The following PPHLN1 variants were observed in gnomAD, a reference collection of about 807,000 sequenced individuals.
The protein encoded by PPHLN1 is periphilin 1.
PPHLN1 carries 29 observed loss-of-function variants against 51.3 expected under a neutral mutation model. The observed-to-expected ratio is 0.57, with a 90% CI of 0.42 to 0.77. The LOEUF (loss-of-function observed/expected upper bound fraction) is 0.77, where lower values mean the gene tolerates loss of function less well. Ranked by LOEUF, PPHLN1 falls within the 30% of genes least tolerant of loss-of-function variation. PPHLN1 has a pLI of 0.00. For synonymous variants in PPHLN1, 147 were observed against 147.8 expected (o/e 0.99, Z 0.04); for missense variants, 436 against 438.4 (o/e 0.99, Z 0.05).
rs2073873005 is a variant in PPHLN1, at chr12:42,355,045, T to C, written c.238-116T>C. ...GATGACTTGCTGAATGTTTTTCCCT[T>C]TTTATGCCTTTGAAGTTTAGGGAAA... On this transcript the variant is annotated intron_variant, in intron 3 of 9. Transcript: ENST00000358314. 11 of 872,128 alleles carry C rather than the reference T, an allele frequency of 1.3e-5. No homozygotes were observed. In the Admixed American group the frequency reaches 1.8e-4, roughly 14 times the overall value. The allele number at this position is 872,128 out of a possible 1,614,324, so 54.0% of individuals were successfully genotyped here.
intron 9 of PPHLN1, among the ~76,000 whole-genome samples, chr12:42,411,124 C>T (rs898111968): frequency 1.3e-5 from 2 of 151,488 alleles, no homozygotes; most frequent in Non-Finnish European, 2.9e-5. Context: ...GAAATTAGGT[C>T]GATTTTTTTT....
At chr12:42,430,107 G>A (rs1215976537) in intron 9 of PPHLN1, among the ~76,000 whole-genome samples, 13 of 152,186 alleles carry the variant, frequency 8.5e-5, no homozygotes, top group Admixed American at 8.5e-4. Flanking sequence ...TGTGTTTAGA[G>A]AGTTGGAACT....
In PPHLN1 at chr12:42,423,281, A is replaced by AT. The variant is rs1370133523; in HGVS notation, c.910-18030dup. On this transcript the variant is annotated intron_variant, in intron 9 of 9. Transcript: ENST00000358314. ...CATTTATATATAATAGTATTTATGG[A>AT]TTTTCCCCACTGTACATAATGCCTT... is the stretch of plus-strand genomic sequence containing the variant. Among the ~76,000 whole-genome samples the AT allele has an allele frequency of 3.3e-5, 5 of 152,256 alleles. No homozygotes were observed. The East Asian group carries it at 9.6e-4, about 29-fold the overall frequency.
chr12:42,359,433 G>A (rs1000177171), intron 4 of PPHLN1: 4 of 152,116 alleles, frequency 2.6e-5, no homozygotes, highest in African/African-American at 9.7e-5. Context: ...TTTTTACAAA[G>A]AAAAAGCAGG....
chr12:42,342,041 A>G (rs1592229553), intron 2 of PPHLN1, among the ~76,000 whole-genome samples: 3 of 152,334 alleles, frequency 2.0e-5, no homozygotes, highest in South Asian at 4.1e-4. Flanking sequence ...GAAGTGCACT[A>G]CAGAGATTTT....
intron 9 of PPHLN1, among the ~76,000 whole-genome samples, chr12:42,424,590 A>G (rs890594283): frequency 5.3e-5 from 8 of 152,280 alleles, no homozygotes; most frequent in South Asian, 2.1e-4. Context: ...GGGCTGGCCT[A>G]TCTTAGGAGG....
chr12:42,372,042 C>T (rs2075850162), intron 4 of PPHLN1, among the ~76,000 whole-genome samples: 1 of 152,132 alleles, frequency 6.6e-6, no homozygotes, highest in South Asian at 2.1e-4. Flanking sequence ...TCTCACCCTA[C>T]TCCCCCTTCC....
intron 4 of PPHLN1, chr12:42,374,607 A>ATT (rs35683626): frequency 0.11 from 17,870 of 160,100 alleles, 1,232 homozygotes; most frequent in African/African-American, 0.17. Flanking sequence ...CGCCCAGCTA[A>ATT]TTTTTTTTTT....
At chr12:42,433,043 G>A in intron 9 of PPHLN1, 2 of 929,752 alleles carry the variant, frequency 2.2e-6, no homozygotes, top group South Asian at 2.6e-5. Context: ...AAAATCCACT[G>A]TGCATTTAAA....
At chr12:42,328,686 A>T (rs2069177037) in intron 1 of PPHLN1, among the ~76,000 whole-genome samples, 1 of 152,200 alleles carries the variant, frequency 6.6e-6, no homozygotes. Flanking sequence ...GTGACTTGTG[A>T]AACTAGTAGA....
chr12:42,401,706 AAG>A (rs925029120), intron 9 of PPHLN1, among the ~76,000 whole-genome samples: 2 of 152,164 alleles, frequency 1.3e-5, no homozygotes, highest in Admixed American at 6.6e-5. Flanking sequence ...TGTTGCCAAA[AAG>A]GTTGGTGTCT....
intron 4 of PPHLN1, among the ~76,000 whole-genome samples, chr12:42,369,570 TTTG>T (rs1353908677): frequency 2.6e-5 from 4 of 152,188 alleles, no homozygotes; most frequent in Admixed American, 2.0e-4. Context: ...CATATATTAT[TTTG>T]TTTATTCCTC....
chr12:42,418,828 TGAG>T (rs1460254067), intron 9 of PPHLN1, among the ~76,000 whole-genome samples: 1 of 152,220 alleles, frequency 6.6e-6, no homozygotes, highest in Non-Finnish European at 1.5e-5. Context: ...GAGAGTTTCC[TGAG>T]GATAGGCACT....
rs183039347 is a variant in PPHLN1 at position 42,380,445 on chromosome 12, A to T, written c.512-4495A>T. ...CATTAGTGTTTAATTCTTTCAAAAA[A>T]TACATCTAAGAGAACTGAAAGTGTA... On this transcript the variant is annotated intron_variant, in intron 5 of 9. Coordinates refer to ENST00000358314, the MANE Select transcript of PPHLN1 (RefSeq NM_201439.2). Among the ~76,000 whole-genome samples, 60 of 152,194 alleles carry T rather than the reference A, an allele frequency of 3.9e-4. 1 individual carries two copies. In the East Asian group the frequency reaches 0.011, roughly 27 times the overall value.
chr12:42,368,454 A>T (rs1486819184), intron 4 of PPHLN1, among the ~76,000 whole-genome samples: 1 of 152,228 alleles, frequency 6.6e-6, no homozygotes, highest in Non-Finnish European at 1.5e-5. Context: ...AAATTGTAAT[A>T]TAGATACCAT....
At chr12:42,414,219 G>C (rs1248585744) in intron 9 of PPHLN1, among the ~76,000 whole-genome samples, 2 of 151,764 alleles carry the variant, frequency 1.3e-5, no homozygotes. Context: ...ATTTTTAGTA[G>C]AGAGGGGGTT....
rs3827525 is a variant in PPHLN1 at position 42,335,126 on chromosome 12, C to G, written c.-20-757C>G. Among the ~76,000 whole-genome samples the G allele has an allele frequency of 2.0e-3, 309 of 152,138 alleles. 2 individuals carry two copies. Among genetic ancestry groups the G allele is most frequent in the East Asian group, 0.015 (79 of 5,180 alleles). The stretch of plus-strand genomic sequence containing the variant: ...GTCTGTTCAGTTTCTATTTTCATCT[C>G]TTCTTGTGGCTATATACCCTTGAAT... On this transcript the variant is annotated intron_variant, in intron 1 of 9. Coordinates refer to ENST00000358314, the MANE Select transcript of PPHLN1 (RefSeq NM_201439.2).
intron 9 of PPHLN1, among the ~76,000 whole-genome samples, chr12:42,414,994 G>A (rs2080241070): frequency 6.6e-6 from 1 of 152,060 alleles, no homozygotes; most frequent in African/African-American, 2.4e-5. Context: ...TGTTGTCTCT[G>A]CTGACTCTTA....
intron 9 of PPHLN1, among the ~76,000 whole-genome samples, chr12:42,419,796 G>A (rs180899550): frequency 1.1e-3 from 167 of 152,276 alleles, no homozygotes; most frequent in African/African-American, 3.9e-3. Context: ...ATTATAACAA[G>A]TTGATTCTTA....
Sources: gnomAD v4.1 joint callset for allele counts (sites outside exome capture counted in the v4.1 genomes callset) on GRCh38, gnomAD v4.1.1 for gene constraint, MANE v1.5 for transcripts, NCBI Gene and HGNC (gene_info 2026-07-23, HGNC 2026-07-21) for gene names.